The following TNXB variants were observed in gnomAD, a reference collection of about 807,000 sequenced individuals.
TNXB encodes the protein tenascin XB, also known as tenascin-X.
A neutral mutation model predicts 340.5 loss-of-function variants in TNXB; 183 were observed. The ratio of observed to expected loss-of-function variants is 0.54; its 90% CI spans 0.48 to 0.61. The LOEUF (loss-of-function observed/expected upper bound fraction) is 0.61, where lower values mean the gene tolerates loss of function less well. Among genes scored for constraint, TNXB ranks in the 20% least tolerant of loss-of-function variants. TNXB has a pLI of 0.00. For synonymous variants in TNXB, 2,121 were observed against 2,314.5 expected, an observed-to-expected ratio of 0.92 and a Z score of 2.40; for missense variants, 4,613 against 5,446.4, an observed-to-expected ratio of 0.85 and a Z score of 4.82.
chr6:32,097,998 C>T lies in TNXB; in HGVS notation c.201G>A (p.Gly67=). The T allele has an allele frequency of 6.2e-7, 1 of 1,607,436 alleles. No homozygotes were observed. The highest frequency in any genetic ancestry group is 8.5e-7 in the Non-Finnish European group (1 of 1,178,116). The change falls in exon 2 of 44, where the codon GGG becomes GGA. Residue 67 remains glycine, a synonymous_variant. Coordinates refer to ENST00000644971, the MANE Select transcript of TNXB (RefSeq NM_001365276.2). The surrounding 1 kb of genome is among the most constrained non-coding windows in gnomAD (Gnocchi z 5.9). ...SQLYEHTVEG[G]EKQVVFTHRI... is the part of the protein sequence containing the mutation. ...GGTGGGTGAATACCACCTGCTTCTC[C>T]CCTCCTTCCACTGTGTGCTCGTAAA...
Position 32,083,736 on chromosome 6 carries a change from T to C in TNXB, c.3445+677A>G, listed in dbSNP as rs1221437674. On this transcript the variant is annotated intron_variant, in intron 8 of 43. Transcript: ENST00000644971. This position sits in a 1 kb window ranked among gnomAD's most constrained non-coding sequence, Gnocchi z 4.6. ...GTACAGTGGCACAATCATGGCTCTC[T>C]GCAGCCTCGGTCTCCTGGGCTCAAG... 3.3e-5 allele frequency among the ~76,000 whole-genome samples: 5 copies of C among 152,162 alleles called. No individual in the cohort carries two copies.
intron 6 of TNXB, 140 bp downstream of exon 6, chr6:32,088,645 C>A: frequency 1.6e-6 from 2 of 1,245,684 alleles, no homozygotes; most frequent in Non-Finnish European, 2.2e-6. Context: ...CAGAGCAAGG[C>A]CCCCAGCAGG....
At chr6:32,065,477 T>C (rs1451357503) in intron 18 of TNXB, among the ~76,000 whole-genome samples, 1 of 152,186 alleles carries the variant, frequency 6.6e-6, no homozygotes, top group Admixed American at 6.5e-5. Context: ...TGTATCCTCC[T>C]TCTATAGACC....
intron 1 of TNXB, among the ~76,000 whole-genome samples, chr6:32,106,984 T>C (rs1781015822): frequency 6.6e-6 from 1 of 152,374 alleles, no homozygotes; most frequent in African/African-American, 2.4e-5. Context: ...TGGGTGCCCA[T>C]GCACACACGT....
In TNXB at chr6:32,070,250, C is replaced by A; in HGVS notation, c.5155G>T (p.Val1719Leu). 1 of 1,612,822 alleles carries A rather than the reference C, an allele frequency of 6.2e-7. No individual in the cohort carries two copies. The highest frequency in any genetic ancestry group is 8.5e-7 in the Non-Finnish European group (1 of 1,179,494). ...GTGACAGAGCGCTCATGGCCCTCCA[C>A]GGGCACCACCTGGGGCCCGTCTTTG... Reference protein sequence around the residue: ...KDKDGPQVVPVEGHERSVTVT... With the variant: ...KDKDGPQVVPLEGHERSVTVT... Residue 1719 changes from valine (V) to leucine (L), a missense_variant, in exon 14 of 44, where the codon GTG becomes TTG. Physicochemically the swap from Val to Leu is conservative, Grantham distance 32. Coordinates refer to ENST00000644971, the MANE Select transcript of TNXB (RefSeq NM_001365276.2). The surrounding 1 kb of genome is among the most constrained non-coding windows in gnomAD (Gnocchi z 6.0).
Position 32,073,163 on chromosome 6 carries a change from G to A in TNXB, c.4681+484C>T, listed in dbSNP as rs1252461834. 6.6e-6 allele frequency among the ~76,000 whole-genome samples: 1 copy of A among 152,084 alleles called. No homozygotes were observed. Among genetic ancestry groups the A allele is most frequent in the East Asian group, 1.9e-4 (1 of 5,186 alleles). ...AGAGCAAGAGTGAGGCAGCCTCCTG[G>A]AGAGATGAAAACTCTCCAGGGCTGG... On this transcript the variant is annotated intron_variant, in intron 12 of 43. Transcript: ENST00000644971. This position sits in a 1 kb window ranked among gnomAD's most constrained non-coding sequence, Gnocchi z 4.6.
chr6:32,055,005 A>G (rs1325399884), intron 24 of TNXB, among the ~76,000 whole-genome samples: 1 of 152,212 alleles, frequency 6.6e-6, no homozygotes, highest in Non-Finnish European at 1.5e-5. Flanking sequence ...TCCAAAGCAC[A>G]AAAATAACCA....
chr6:32,087,276 C>T lies in TNXB; in HGVS notation c.2780-1158G>A, dbSNP rs920709257. 2.0e-6 allele frequency: 1 copy of T among 505,296 alleles called. No homozygotes were observed. Among genetic ancestry groups the T allele is most frequent in the Non-Finnish European group, 3.9e-6 (1 of 253,938 alleles). The allele number at this position is 505,296 out of a possible 1,614,324, so 31.3% of individuals were successfully genotyped here. A position where few individuals can be genotyped will look rare whatever the true frequency, so the allele number is the denominator to read the frequency against. ...CTGTGGTGGTGATGAAGGCGTAGGACTTGGAGGTCTGCCCCGCCCGCACCC... is the reference window on the plus strand; with the variant it reads ...CTGTGGTGGTGATGAAGGCGTAGGATTTGGAGGTCTGCCCCGCCCGCACCC... On this transcript the variant is annotated intron_variant, in intron 6 of 43. Transcript: ENST00000644971. The surrounding 1 kb of genome is among the most constrained non-coding windows in gnomAD (Gnocchi z 9.0).
chr6:32,044,155 C>T (rs562475886), intron 33 of TNXB, 26 bp from the exon 34 acceptor site: 17 of 1,468,064 alleles, frequency 1.2e-5, no homozygotes, highest in South Asian at 3.7e-5. Context: ...GGAACAATGA[C>T]GCAGGCAGGG....
chr6:32,056,109 G>T lies in TNXB; in HGVS notation c.8209C>A (p.Pro2737Thr), dbSNP rs1470925498. The change falls in exon 24 of 44, where the codon CCG (proline) becomes ACG (threonine). Residue 2737 changes from proline to threonine, a missense_variant. Pro to Thr is a conservative substitution (Grantham distance 38). Transcript: ENST00000644971. ...GTCACTGTCAGCTCCCCCAGGAGCGGCTCCTCAGGGGGCTCCGGGGCCTCA... is the reference window on the plus strand; with the variant it reads ...GTCACTGTCAGCTCCCCCAGGAGCGTCTCCTCAGGGGGCTCCGGGGCCTCA... ...STEAPEPPEE[P>T]LLGELTVTGS... 1 of 1,612,578 alleles carries T rather than the reference G, an allele frequency of 6.2e-7. No individual in the cohort carries two copies. The highest frequency in any genetic ancestry group is 8.5e-7 in the Non-Finnish European group (1 of 1,179,842).
chr6:32,098,927 C>A (rs1780570118), intron 1 of TNXB, among the ~76,000 whole-genome samples: 1 of 152,230 alleles, frequency 6.6e-6, no homozygotes, highest in African/African-American at 2.4e-5. Context: ...CCAGTTAGGG[C>A]AGTCTTCCAT....
intron 6 of TNXB, among the ~76,000 whole-genome samples, chr6:32,088,401 G>A (rs1779914751): frequency 6.6e-6 from 1 of 152,180 alleles, no homozygotes; most frequent in Non-Finnish European, 1.5e-5. Context: ...CAATCCAAAA[G>A]TCAACAGGAC....
In TNXB at chr6:32,089,122, G is replaced by T. The variant is rs536740448; in HGVS notation, c.2516-74C>A. 1 of 1,579,900 alleles carries T rather than the reference G, an allele frequency of 6.3e-7. No individual in the cohort carries two copies. Among genetic ancestry groups the T allele is most frequent in the African/African-American group, 1.3e-5 (1 of 74,466 alleles). On this transcript the variant is annotated intron_variant, in intron 5 of 43. Transcript: ENST00000644971. This position sits in a 1 kb window ranked among gnomAD's most constrained non-coding sequence, Gnocchi z 6.2. Reference sequence around the variant, plus strand: ...CATCATCTTTCCTTCCAAGAGCCTAGCCCCCATCCAGCCCCTTCCTTCTGC... The same window carrying T: ...CATCATCTTTCCTTCCAAGAGCCTATCCCCCATCCAGCCCCTTCCTTCTGC...
rs752566597 is a variant in TNXB, at chr6:32,061,503, G to A, written c.7386C>T (p.Ser2462=). 80 of 1,613,428 alleles carry A rather than the reference G, an allele frequency of 5.0e-5. No individual in the cohort carries two copies. Among genetic ancestry groups the A allele is most frequent in the East Asian group, 1.3e-4 (6 of 44,892 alleles). ...GCTCCAGGCCCCCCACGGTGACCTC[G>A]CTCTCCTCGCCCCCAACACGCACCA... ...PQVVRVGGEE[S]EVTVGGLEPG... The change falls in exon 21 of 44, where the codon AGC becomes AGT. Residue 2462 remains serine (S), a synonymous_variant. Transcript: ENST00000644971. This position sits in a 1 kb window ranked among gnomAD's most constrained non-coding sequence, Gnocchi z 4.4.
Position 32,052,549 on chromosome 6 carries a change from C to T in TNXB, c.9115+121G>A. The T allele has an allele frequency of 1.5e-6, 2 of 1,356,856 alleles. No individual in the cohort carries two copies. The highest frequency in any genetic ancestry group is 2.0e-6 in the Non-Finnish European group (2 of 1,010,846). The allele number at this position is 1,356,856 out of a possible 1,614,324, so 84.1% of individuals were successfully genotyped here. ...CAAATCTGCTTTTTAACAAAAATCT[C>T]CAGGCATTTGGATACACAAAGGAAG... is the stretch of plus-strand genomic sequence containing the variant. On this transcript the variant is annotated intron_variant, in intron 26 of 43. Transcript: ENST00000644971. The surrounding 1 kb of genome is among the most constrained non-coding windows in gnomAD (Gnocchi z 4.7).
At position 32,056,695 on chromosome 6, in the gene TNXB, C is replaced by G; in HGVS notation, c.8034G>C (p.Glu2678Asp). Reference protein sequence around the residue: ...QPKAVRVPGHEDGVTISGLEP... With the variant: ...QPKAVRVPGHDDGVTISGLEP... ...CCAGGCCTGAGATGGTGACCCCGTC[C>G]TCGTGCCCCGGCACCCGCACCGCCT... The change falls in exon 23 of 44, where the codon GAG (glutamate) becomes GAC (aspartate). Residue 2678 changes from glutamate (E) to aspartate (D), a missense_variant. Glu to Asp is a conservative substitution (Grantham distance 45). Coordinates refer to ENST00000644971, the MANE Select transcript of TNXB (RefSeq NM_001365276.2). 1 of 1,613,134 alleles carries G rather than the reference C, an allele frequency of 6.2e-7. No homozygotes were observed. The highest frequency in any genetic ancestry group is 8.5e-7 in the Non-Finnish European group (1 of 1,179,886).
chr6:32,057,172 G>C (rs2151902486), intron 22 of TNXB, among the ~76,000 whole-genome samples: 1 of 151,118 alleles, frequency 6.6e-6, no homozygotes, highest in East Asian at 2.0e-4. Context: ...TTTGAGCACA[G>C]CCCCACTCGG....
chr6:32,095,271 A>G (rs905404488), intron 3 of TNXB, 80 bp from the exon 4 acceptor site: 2 of 1,095,276 alleles, frequency 1.8e-6, no homozygotes, highest in South Asian at 2.7e-5. Flanking sequence ...ACTCAGGGAC[A>G]TCGAAGAGGC....
intron 19 of TNXB, among the ~76,000 whole-genome samples, chr6:32,063,798 C>T (rs1169206174): frequency 6.6e-6 from 1 of 152,098 alleles, no homozygotes; most frequent in African/African-American, 2.4e-5. Flanking sequence ...GAGTCTTAAG[C>T]ATCTAGGGGG....
Sources: allele counts gnomAD v4.1 joint callset (sites outside exome capture counted in the v4.1 genomes callset), GRCh38; gene constraint gnomAD v4.1.1; non-coding constraint Gnocchi (gnomAD v3.1); transcripts MANE v1.5; gene names NCBI Gene and HGNC (gene_info 2026-07-23, HGNC 2026-07-21).